HDAC9: variants seen among roughly 807,000 people sequenced by gnomAD.
HDAC9 encodes histone deacetylase 9.
HDAC9 carries 41 observed loss-of-function variants against 139.4 expected under a neutral mutation model. That is an observed-to-expected ratio of 0.29 (90% confidence interval 0.23 to 0.38). The LOEUF (loss-of-function observed/expected upper bound fraction) is 0.38. Among genes scored for constraint, HDAC9 ranks in the 10% least tolerant of loss-of-function variants. The pLI, the probability that HDAC9 is intolerant of heterozygous loss-of-function variation, is 1.00. For synonymous variants in HDAC9, 517 were observed against 476.2 expected, an observed-to-expected ratio of 1.09 and a Z score of -1.12; for missense variants, 1,147 against 1,297.0, an observed-to-expected ratio of 0.88 and a Z score of 1.78.
intron 11 of HDAC9, among the ~76,000 whole-genome samples, chr7:18,665,439 T>C (rs1180762634): frequency 1.3e-5 from 2 of 152,174 alleles, no homozygotes; most frequent in African/African-American, 4.8e-5. Context: ...TTGTCAGTTA[T>C]CTTTTAAAAT....
chr7:18,190,815 T>C (rs1412607652), intron 2 of HDAC9, among the ~76,000 whole-genome samples: 1 of 152,202 alleles, frequency 6.6e-6, no homozygotes, highest in Non-Finnish European at 1.5e-5. Context: ...TTCTCAGAAA[T>C]TTCTGTATGT....
chr7:18,202,937 A>G (rs575428820), intron 2 of HDAC9, among the ~76,000 whole-genome samples: 1 of 152,328 alleles, frequency 6.6e-6, no homozygotes, highest in Non-Finnish European at 1.5e-5. Context: ...CATACTAATT[A>G]AGATATCTAC....
intron 1 of HDAC9, among the ~76,000 whole-genome samples, chr7:18,091,968 G>A (rs527251253): frequency 1.3e-5 from 2 of 152,298 alleles, no homozygotes; most frequent in South Asian, 2.1e-4. Flanking sequence ...TCTTGCTCCA[G>A]TCTGATAAGA....
intron 24 of HDAC9, among the ~76,000 whole-genome samples, chr7:18,966,628 G>C (rs1783870862): frequency 6.6e-6 from 1 of 152,092 alleles, no homozygotes; most frequent in African/African-American, 2.4e-5. Flanking sequence ...TTGAACCCGG[G>C]AGGCAGAGGT....
intron 1 of HDAC9, among the ~76,000 whole-genome samples, chr7:18,386,773 G>C (rs1785976267): frequency 6.6e-6 from 1 of 152,188 alleles, no homozygotes; most frequent in Admixed American, 6.5e-5. Context: ...AGTCCTCAGA[G>C]AAAAGAAGAT....
chr7:18,755,908 A>C (rs890930707), intron 14 of HDAC9, among the ~76,000 whole-genome samples: 7 of 152,158 alleles, frequency 4.6e-5, no homozygotes, highest in African/African-American at 1.7e-4. Flanking sequence ...TTACTCATCA[A>C]CCTTCCGTCC....
chr7:18,570,136 A>T (rs1477621326), intron 2 of HDAC9, among the ~76,000 whole-genome samples: 1 of 152,182 alleles, frequency 6.6e-6, no homozygotes, highest in Non-Finnish European at 1.5e-5. Context: ...GTGAATCAGT[A>T]GATTCACAGA....
intron 2 of HDAC9, among the ~76,000 whole-genome samples, chr7:18,275,229 C>CCT (rs1796639974): frequency 6.6e-6 from 1 of 152,152 alleles, no homozygotes; most frequent in Admixed American, 6.5e-5. Context: ...GTCAGAAACT[C>CCT]CTCTTGTCTG....
rs780268313 is a variant in HDAC9 at position 18,829,557 on chromosome 7, T to C, written c.2466+9T>C. 6.5e-7 allele frequency: 1 copy of C among 1,534,696 alleles called. No homozygotes were observed. The highest frequency in any genetic ancestry group is 1.4e-5 in the African/African-American group (1 of 72,954). ...TATTGATTGTAGATCTGGTATGTAT[T>C]CCTGGCCAGAGCTGCATTTTCAGTG... On this transcript the variant is annotated intron_variant, in intron 19 of 25. Transcript: ENST00000686413.
rs569843290 is a variant in HDAC9 at position 18,692,268 on chromosome 7, A to G, written c.1731+25792A>G. On this transcript the variant is annotated intron_variant, in intron 12 of 25. Transcript: ENST00000686413. ...GTTCTCTTGTCTGATGAGTTTTGTA[A>G]GCTTCACATTCTATGTAAGCTTTGT... Among the ~76,000 whole-genome samples, 14 of 152,240 alleles carry G rather than the reference A, an allele frequency of 9.2e-5. No individual in the cohort carries two copies. In the South Asian group the frequency reaches 2.9e-3, roughly 32 times the overall value.
chr7:18,582,471 T>C (rs187769704), intron 2 of HDAC9, among the ~76,000 whole-genome samples: 3 of 152,266 alleles, frequency 2.0e-5, no homozygotes, highest in East Asian at 3.9e-4. Context: ...CCTGGGACTT[T>C]AAGAGGCTTG....
chr7:18,240,220 GA>G (rs1488298459), intron 2 of HDAC9, among the ~76,000 whole-genome samples: 5 of 152,218 alleles, frequency 3.3e-5, no homozygotes, highest in East Asian at 1.9e-4. Flanking sequence ...TATTCCTCAT[GA>G]TTCTTCCTAT....
chr7:18,652,762 A>G (rs942224174), intron 11 of HDAC9, among the ~76,000 whole-genome samples: 3 of 152,012 alleles, frequency 2.0e-5, no homozygotes, highest in African/African-American at 4.8e-5. Flanking sequence ...AAGAGCAGGA[A>G]TTTTAAGAAA....
chr7:18,211,364 G>A (rs1056119378), intron 2 of HDAC9, among the ~76,000 whole-genome samples: 13 of 152,178 alleles, frequency 8.5e-5, no homozygotes, highest in African/African-American at 2.9e-4. Flanking sequence ...CATAGTAGGT[G>A]AACTTTGAGC....
rs1162421952 is a variant in HDAC9, at chr7:18,241,655, T to C, written c.25+79306T>C. On this transcript the variant is annotated intron_variant, in intron 2 of 12. Coordinates refer to the HDAC9 transcript ENST00000417496. The stretch of plus-strand genomic sequence containing the variant: ...TCAACAACATTTTAGTGTAATTTAG[T>C]GAGAAGTGTTCTGGTCACTTGGCTC... 2.6e-5 allele frequency among the ~76,000 whole-genome samples: 4 copies of C among 152,190 alleles called. No homozygotes were observed. The East Asian group carries it at 7.7e-4, about 29-fold the overall frequency.
intron 1 of HDAC9, among the ~76,000 whole-genome samples, chr7:18,488,818 C>T (rs1013960289): frequency 6.6e-6 from 1 of 151,960 alleles, no homozygotes; most frequent in Non-Finnish European, 1.5e-5. Flanking sequence ...ATGATGGTCA[C>T]ATTGAGATCA....
intron 1 of HDAC9, among the ~76,000 whole-genome samples, chr7:18,384,581 A>G (rs1469974368): frequency 1.3e-5 from 2 of 152,180 alleles, no homozygotes; most frequent in African/African-American, 4.8e-5. Context: ...ATTGAAATAC[A>G]TAATGGCGTT....
chr7:18,333,561 A>C (rs935373458), intron 1 of HDAC9, among the ~76,000 whole-genome samples: 4 of 151,644 alleles, frequency 2.6e-5, no homozygotes, highest in African/African-American at 9.6e-5. Flanking sequence ...TTGCAATCAT[A>C]GGTTATTTAG....
intron 22 of HDAC9, among the ~76,000 whole-genome samples, chr7:18,885,396 T>A (rs537275756): frequency 6.6e-6 from 1 of 152,244 alleles, no homozygotes; most frequent in Non-Finnish European, 1.5e-5. Context: ...CTGCACTATC[T>A]TATTTTGTTT....
Sources: gnomAD v4.1 joint callset for allele counts (sites outside exome capture counted in the v4.1 genomes callset) on GRCh38, gnomAD v4.1.1 for gene constraint, MANE v1.5 for transcripts, NCBI Gene and HGNC (gene_info 2026-07-23, HGNC 2026-07-21) for gene names.